Variants in SERPINH1 observed in about 807,000 individuals in gnomAD.
SERPINH1 encodes the protein serpin H1.
Under a neutral mutation model 32.3 loss-of-function variants are expected in SERPINH1, and 22 were observed. The observed-to-expected ratio is 0.68, with a 90% CI of 0.49 to 0.97. SERPINH1 has a LOEUF of 0.97. SERPINH1 is among the 50% of genes least tolerant of loss of function. The pLI is 0.00. For missense variants in SERPINH1, 543 were observed against 576.4 expected, an observed-to-expected ratio of 0.94 and a Z score of 0.59; for synonymous variants, 251 against 245.9, an observed-to-expected ratio of 1.02 and a Z score of -0.19.
At position 75,566,827 on chromosome 11, in the gene SERPINH1, A is replaced by G; in HGVS notation, c.478A>G (p.Lys160Glu). The G allele has an allele frequency of 1.2e-6, 2 of 1,613,036 alleles. No homozygotes were observed. Among genetic ancestry groups the G allele is most frequent in the Non-Finnish European group, 1.7e-6 (2 of 1,179,976 alleles). ...SKQHYNCEHSKINFRDKRSAL... is the reference protein window; with the variant it reads ...SKQHYNCEHSEINFRDKRSAL... ...GCAGCACTACAACTGCGAGCACTCC[A>G]AGATCAACTTCCGCGACAAGCGCAG... The change falls in exon 2 of 5, where the codon AAG becomes GAG. Residue 160 changes from lysine (K) to glutamate (E), a missense_variant. Lys to Glu is a moderately conservative substitution (Grantham distance 56, BLOSUM62 1). Transcript: ENST00000358171.
At chr11:75,571,494 C>G (rs1451602849) in intron 4 of SERPINH1, among the ~76,000 whole-genome samples, 1 of 152,198 alleles carries the variant, frequency 6.6e-6, no homozygotes, top group African/African-American at 2.4e-5. Context: ...CCCATGCTGT[C>G]TGTCCCTGAA....
In SERPINH1 at chr11:75,566,834, A is replaced by G. The variant is rs760648204; in HGVS notation, c.485A>G (p.Asn162Ser). The G allele has an allele frequency of 1.9e-6, 3 of 1,612,852 alleles. No homozygotes were observed. Among genetic ancestry groups the G allele is most frequent in the Admixed American group, 1.7e-5 (1 of 60,028 alleles). ...TACAACTGCGAGCACTCCAAGATCA[A>G]CTTCCGCGACAAGCGCAGCGCGCTG... ...QHYNCEHSKI[N>S]FRDKRSALQS... The change falls in exon 2 of 5, where the codon AAC (asparagine) becomes AGC (serine). Residue 162 changes from asparagine to serine, a missense_variant. By Grantham distance (46) the Asn-to-Ser change is conservative (BLOSUM62 1). This residue lies in a region of SERPINH1 where 427 missense variants were observed against 446.4 expected (regional missense o/e 0.96). Transcript: ENST00000358171.
chr11:75,571,215 A>G (rs1018482771), intron 4 of SERPINH1, among the ~76,000 whole-genome samples: 5 of 152,210 alleles, frequency 3.3e-5, no homozygotes, highest in Admixed American at 3.3e-4. Flanking sequence ...CTCATGGCCA[A>G]TAGTGATCCA....
At position 75,572,424 on chromosome 11, in the gene SERPINH1, A is replaced by C; in HGVS notation, c.*341A>C. On this transcript the variant is annotated 3_prime_UTR_variant, in exon 5 of 5. Coordinates refer to ENST00000358171, the MANE Select transcript of SERPINH1 (RefSeq NM_001235.5). The stretch of plus-strand genomic sequence containing the variant: ...GGTACCTTCTCACCTGTGAGACCAA[A>C]TTGAGCTAGGGGGGTCAGCCAGCCC... The C allele has an allele frequency of 8.0e-6, 3 of 375,804 alleles. No individual in the cohort carries two copies. Among genetic ancestry groups the C allele is most frequent in the Non-Finnish European group, 1.5e-5 (3 of 195,384 alleles). 23.3% of individuals were successfully genotyped at this position (375,804 alleles called of 1,614,324 possible). A position where few individuals can be genotyped will look rare whatever the true frequency, so the allele number is the denominator to read the frequency against.
rs143390575 is a variant in SERPINH1 at position 75,570,345 on chromosome 11, G to A, written c.954+1174G>A. Reference sequence around the variant, plus strand: ...GGACAAGTGGAGCTCGTACTGGTCTGTGCTGTAGACCCTGGGAGTTCCTGG... The same window carrying A: ...GGACAAGTGGAGCTCGTACTGGTCTATGCTGTAGACCCTGGGAGTTCCTGG... On this transcript the variant is annotated intron_variant, in intron 4 of 4. Coordinates refer to ENST00000358171, the MANE Select transcript of SERPINH1 (RefSeq NM_001235.5). Among the ~76,000 whole-genome samples, 252 of 152,240 alleles carry A rather than the reference G, an allele frequency of 1.7e-3. 1 individual carries two copies. Among genetic ancestry groups the A allele is most frequent in the African/African-American group, 5.9e-3 (247 of 41,534 alleles).
chr11:75,569,184 C>T lies in SERPINH1; in HGVS notation c.954+13C>T. ...CCATGACCTGCAGGTAAGGGGTGGC[C>T]CAGCCTAGGGGCCTGCAGGCCTTGG... On this transcript the variant is annotated intron_variant, in intron 4 of 4. Transcript: ENST00000358171. The T allele has an allele frequency of 6.3e-7, 1 of 1,585,728 alleles. No homozygotes were observed.
intron 2 of SERPINH1, chr11:75,568,372 G>T: frequency 2.7e-6 from 1 of 377,134 alleles, no homozygotes; most frequent in Non-Finnish European, 5.1e-6. Flanking sequence ...CCAGGTACCA[G>T]GGAGGGTAGA....
chr11:75,569,950 T>C, intron 4 of SERPINH1, among the ~76,000 whole-genome samples: 1 of 151,662 alleles, frequency 6.6e-6, no homozygotes, highest in Non-Finnish European at 1.5e-5. Context: ...GAGGATTATC[T>C]ACCATCCAAT....
chr11:75,569,288 G>T (rs1942156707), intron 4 of SERPINH1, 117 bp downstream of exon 4: 1 of 731,792 alleles, frequency 1.4e-6, no homozygotes, highest in Admixed American at 2.3e-5. Context: ...TCCAGGCAGT[G>T]CTGGGCTCTG....
rs893319673 is a variant in SERPINH1, at chr11:75,566,705, G to C, written c.356G>C (p.Ser119Thr). 1 of 1,611,542 alleles carries C rather than the reference G, an allele frequency of 6.2e-7. No homozygotes were observed. The highest frequency in any genetic ancestry group is 1.3e-5 in the African/African-American group (1 of 75,024). Residue 119 changes from serine to threonine, a missense_variant, in exon 2 of 5, where the codon AGC (serine) becomes ACC (threonine). Physicochemically the swap from Ser to Thr is moderately conservative, Grantham distance 58 (BLOSUM62 1). Around this residue, in one of 3 missense-constraint regions of SERPINH1, gnomAD observed 427 missense variants for 446.4 expected, o/e 0.96. Coordinates refer to ENST00000358171, the MANE Select transcript of SERPINH1 (RefSeq NM_001235.5). ...CTGGGCGAGCTGCTGCGCTCACTCA[G>C]CAACTCCACGGCGCGCAACGTGACC... ...AGLGELLRSL[S>T]NSTARNVTWK...
intron 1 of SERPINH1, chr11:75,562,856 A>G (rs1942002355): frequency 2.0e-5 from 3 of 152,124 alleles, no homozygotes; most frequent in Admixed American, 2.0e-4. Context: ...GGTGGTGGGA[A>G]AGGAGGTGAA....
At position 75,566,482 on chromosome 11, in the gene SERPINH1, G is replaced by C. The variant is rs1942076813; in HGVS notation, c.133G>C (p.Glu45Gln). The change falls in exon 2 of 5, where the codon GAG becomes CAG. Residue 45 changes from glutamate (E) to glutamine (Q), a missense_variant. Coordinates refer to ENST00000358171, the MANE Select transcript of SERPINH1 (RefSeq NM_001235.5). ...KLSPKAATLAERSAGLAFSLY... is the reference protein window; with the variant it reads ...KLSPKAATLAQRSAGLAFSLY... ...GAGCCCCAAGGCGGCCACGCTTGCC[G>C]AGCGCAGCGCCGGCCTGGCCTTCAG... 1.2e-6 allele frequency: 2 copies of C among 1,612,392 alleles called. No homozygotes were observed. The highest frequency in any genetic ancestry group is 1.7e-6 in the Non-Finnish European group (2 of 1,179,812).
chr11:75,569,108 G>T lies in SERPINH1; in HGVS notation c.891G>T (p.Met297Ile), dbSNP rs200106884. Residue 297 changes from methionine to isoleucine, a missense_variant, in exon 4 of 5, where the codon ATG (methionine) becomes ATT (isoleucine). By Grantham distance (10) the Met-to-Ile change is conservative. Transcript: ENST00000358171. Reference protein sequence around the residue: ...KEQLKIWMGKMQKKAVAISLP... With the variant: ...KEQLKIWMGKIQKKAVAISLP... ...AGCTGAAGATCTGGATGGGGAAGAT[G>T]CAGAAGAAGGCTGTTGCCATCTCCT... is the stretch of plus-strand genomic sequence containing the variant. The T allele has an allele frequency of 9.3e-6, 15 of 1,614,160 alleles. No homozygotes were observed. Among genetic ancestry groups the T allele is most frequent in the Admixed American group, 3.3e-5 (2 of 60,016 alleles).
At position 75,572,092 on chromosome 11, in the gene SERPINH1, G is replaced by A. The variant is rs1288700654; in HGVS notation, c.*9G>A. 3.7e-6 allele frequency: 6 copies of A among 1,613,714 alleles called. No homozygotes were observed. Among genetic ancestry groups the A allele is most frequent in the Non-Finnish European group, 5.1e-6 (6 of 1,179,930 alleles). On this transcript the variant is annotated 3_prime_UTR_variant, in exon 5 of 5. Transcript: ENST00000358171. Reference sequence around the variant, plus strand: ...TGCGAGACGAGTTATAGGGCCTCAGGGTGCACACAGGATGGCAGGAGGCAT... The same window carrying A: ...TGCGAGACGAGTTATAGGGCCTCAGAGTGCACACAGGATGGCAGGAGGCAT...
In SERPINH1 at chr11:75,571,770, T is replaced by G. The variant is rs778152076; in HGVS notation, c.955-11T>G. On this transcript the variant is annotated splice_polypyrimidine_tract_variant and intron_variant, in intron 4 of 4. Transcript: ENST00000358171. ...CATGGCCTCACCTGGCACACCTCCT[T>G]GTTCCCACAGAAACACCTGGCTGGG... The G allele has an allele frequency of 6.2e-7, 1 of 1,612,806 alleles. No homozygotes were observed. The highest frequency in any genetic ancestry group is 1.3e-5 in the African/African-American group (1 of 74,866).
chr11:75,566,978 CG>C lies in SERPINH1; in HGVS notation c.622+12del. 1 of 1,590,260 alleles carries C rather than the reference CG, an allele frequency of 6.3e-7. No individual in the cohort carries two copies. ...AACGCCATGTTCTTCAAGCGTGAGTCGGGGGCGCGTTCAGGGGTCCTCCTCC... is the reference window on the plus strand; with the variant it reads ...AACGCCATGTTCTTCAAGCGTGAGTCGGGGCGCGTTCAGGGGTCCTCCTCC... On this transcript the variant is annotated splice_region_variant and intron_variant, in intron 2 of 4. Transcript: ENST00000358171.
intron 1 of SERPINH1, chr11:75,562,982 G>A (rs376324002): frequency 2.6e-3 from 390 of 152,398 alleles, no homozygotes; most frequent in Middle Eastern, 0.01. Flanking sequence ...CTTGGCCAGC[G>A]AGGCTCCCTA....
At chr11:75,568,904 C>T in intron 3 of SERPINH1, 35 bp from the exon 4 acceptor site, 1 of 1,608,528 alleles carries the variant, frequency 6.2e-7, no homozygotes, top group South Asian at 1.1e-5. Context: ...CCCCTGCACA[C>T]AGGGTGCCCA....
chr11:75,568,964 G>C lies in SERPINH1; in HGVS notation c.747G>C (p.Glu249Asp), dbSNP rs542837557. ...GCCTCTACAACTACTACGACGACGA[G>C]AAGGAAAAGCTGCAAATCGTGGAGA... The part of the protein sequence containing the change: ...RTGLYNYYDD[E>D]KEKLQIVEMP... The change falls in exon 4 of 5, where the codon GAG (glutamate) becomes GAC (aspartate). Residue 249 changes from glutamate (E) to aspartate (D), a missense_variant. This residue lies in a region of SERPINH1 where 427 missense variants were observed against 446.4 expected (regional missense o/e 0.96). Transcript: ENST00000358171. 6.2e-7 allele frequency: 1 copy of C among 1,614,052 alleles called. No homozygotes were observed. The highest frequency in any genetic ancestry group is 1.7e-5 in the Admixed American group (1 of 60,024).
Sources: allele counts gnomAD v4.1 joint callset (sites outside exome capture counted in the v4.1 genomes callset), GRCh38; gene constraint gnomAD v4.1.1; regional missense constraint gnomAD v4.1.1; transcripts MANE v1.5; gene names NCBI Gene and HGNC (gene_info 2026-07-23, HGNC 2026-07-21).